Variants in DZANK1 observed in about 807,000 individuals in gnomAD.
DZANK1 encodes the protein double zinc ribbon and ankyrin repeat-containing protein 1.
DZANK1 carries 91 observed loss-of-function variants against 94.5 expected under a neutral mutation model. That is an observed-to-expected ratio of 0.96 (90% CI 0.81 to 1.15). DZANK1 has a LOEUF of 1.15. DZANK1 is among the 50% of genes most tolerant of loss of function. DZANK1 has a pLI of 0.00. For missense variants in DZANK1, 903 were observed against 916.4 expected, an observed-to-expected ratio of 0.99 and a Z score of 0.19; for synonymous variants, 312 against 325.3, an observed-to-expected ratio of 0.96 and a Z score of 0.44.
At chr20:18,404,871 C>T (rs1245493800) in intron 13 of DZANK1, among the ~76,000 whole-genome samples, 2 of 151,852 alleles carry the variant, frequency 1.3e-5, no homozygotes, top group Admixed American at 6.6e-5. Flanking sequence ...ATAATTGCAC[C>T]ACTGCACTCC....
chr20:18,458,446 T>C (rs1304642218), intron 3 of DZANK1, among the ~76,000 whole-genome samples: 2 of 152,254 alleles, frequency 1.3e-5, no homozygotes, highest in Non-Finnish European at 1.5e-5. Flanking sequence ...GTAGTGGCTA[T>C]TTAGATGAAT....
intron 10 of DZANK1, among the ~76,000 whole-genome samples, chr20:18,421,986 C>T (rs2057802390): frequency 6.6e-6 from 1 of 152,104 alleles, no homozygotes; most frequent in Non-Finnish European, 1.5e-5. Flanking sequence ...ATGGTTTGAA[C>T]ATATTTTCTT....
At chr20:18,465,122 G>T in intron 2 of DZANK1, 128 bp downstream of exon 2, 1 of 616,158 alleles carries the variant, frequency 1.6e-6, no homozygotes, top group Non-Finnish European at 2.8e-6. Flanking sequence ...AATTTTAGAA[G>T]TTTTACAAAT....
At chr20:18,405,172 G>C (rs943359668) in intron 13 of DZANK1, among the ~76,000 whole-genome samples, 1 of 151,900 alleles carries the variant, frequency 6.6e-6, no homozygotes, top group African/African-American at 2.4e-5. Context: ...ACTCCAGCCT[G>C]GGTAACAGAG....
At chr20:18,448,117 A>C (rs905352560) in intron 7 of DZANK1, among the ~76,000 whole-genome samples, 1 of 152,254 alleles carries the variant, frequency 6.6e-6, no homozygotes, top group East Asian at 1.9e-4. Flanking sequence ...GTAATAGCCC[A>C]AAATTGGATA....
At chr20:18,447,341 T>C (rs934348651) in intron 7 of DZANK1, among the ~76,000 whole-genome samples, 1 of 151,954 alleles carries the variant, frequency 6.6e-6, no homozygotes, top group Non-Finnish European at 1.5e-5. Flanking sequence ...TAGCCGGGCA[T>C]AGTGGCGCAT....
chr20:18,406,441 T>C (rs1240774150), intron 13 of DZANK1, among the ~76,000 whole-genome samples: 1 of 152,134 alleles, frequency 6.6e-6, no homozygotes. Context: ...TCTAGGCAAA[T>C]CCTGGGCCAG....
chr20:18,459,178 T>C (rs1188834232), intron 3 of DZANK1, among the ~76,000 whole-genome samples: 2 of 152,230 alleles, frequency 1.3e-5, no homozygotes, highest in African/African-American at 2.4e-5. Flanking sequence ...TTTTTAATAA[T>C]TGAGATGACT....
chr20:18,455,650 T>C (rs1247556246), intron 3 of DZANK1, among the ~76,000 whole-genome samples: 1 of 152,208 alleles, frequency 6.6e-6, no homozygotes, highest in Non-Finnish European at 1.5e-5. Context: ...GTGGCTGCCA[T>C]CAAACATCAG....
chr20:18,460,363 TA>T (rs2059433796), intron 2 of DZANK1, 57 bp from the exon 3 acceptor site: 1 of 1,271,302 alleles, frequency 7.9e-7, no homozygotes, highest in Non-Finnish European at 1.1e-6. Context: ...AGTCCCTGAA[TA>T]ATGCCTATAG....
In DZANK1 at chr20:18,387,533, G is replaced by C. The variant is rs1847596128; in HGVS notation, c.2018+2168C>G. On this transcript the variant is annotated intron_variant, in intron 19 of 20. Transcript: ENST00000262547. Reference sequence around the variant, plus strand: ...TTGCATCTTCCTCACCTGGCTACTGGGGCAGAGCCAGAGGATGGCATGTTT... The same window carrying C: ...TTGCATCTTCCTCACCTGGCTACTGCGGCAGAGCCAGAGGATGGCATGTTT... Among the ~76,000 whole-genome samples the C allele has an allele frequency of 3.3e-5, 5 of 152,304 alleles. No individual in the cohort carries two copies. In the South Asian group the frequency reaches 1.0e-3, roughly 32 times the overall value.
chr20:18,438,018 A>G (rs576160156), intron 8 of DZANK1, among the ~76,000 whole-genome samples: 66 of 152,080 alleles, frequency 4.3e-4, no homozygotes, highest in African/African-American at 1.5e-3. Flanking sequence ...GGAGATCGAG[A>G]CCATCCTGGC....
chr20:18,426,446 C>T (rs918600084), intron 10 of DZANK1, among the ~76,000 whole-genome samples: 1 of 152,140 alleles, frequency 6.6e-6, no homozygotes, highest in Admixed American at 6.5e-5. Context: ...CACAAACAAT[C>T]GGAAACATGC....
intron 9 of DZANK1, among the ~76,000 whole-genome samples, chr20:18,427,880 G>A (rs1157064807): frequency 1.3e-5 from 2 of 152,176 alleles, no homozygotes; most frequent in Non-Finnish European, 2.9e-5. Flanking sequence ...GCTGGGTGCA[G>A]TGGCTCATGC....
chr20:18,389,977 C>G (rs2055867704), intron 18 of DZANK1, 149 bp from the exon 19 acceptor site: 9 of 1,227,546 alleles, frequency 7.3e-6, no homozygotes, highest in Non-Finnish European at 1.0e-5. Context: ...TCAGGAACCT[C>G]AAGACCTGAT....
chr20:18,402,402 T>A (rs999760955), intron 13 of DZANK1, among the ~76,000 whole-genome samples: 1 of 148,892 alleles, frequency 6.7e-6, no homozygotes, highest in Non-Finnish European at 1.5e-5. Flanking sequence ...AATGGCAGAG[T>A]TTAACTGGTA....
intron 2 of DZANK1, among the ~76,000 whole-genome samples, chr20:18,461,053 C>G (rs961177435): frequency 6.6e-6 from 1 of 152,186 alleles, no homozygotes; most frequent in African/African-American, 2.4e-5. Context: ...TCTTTTGCCT[C>G]TCCAACAGGG....
chr20:18,410,770 T>C (rs963683092), intron 13 of DZANK1, among the ~76,000 whole-genome samples: 4 of 152,126 alleles, frequency 2.6e-5, no homozygotes, highest in East Asian at 3.9e-4. Context: ...GGCAACACAG[T>C]GTCACCCCAT....
At chr20:18,427,004 T>C in intron 10 of DZANK1, 63 bp downstream of exon 10, 3 of 1,251,242 alleles carry the variant, frequency 2.4e-6, no homozygotes, top group South Asian at 3.1e-5. Context: ...TCTGTTTCTC[T>C]ATTATCATTA....
Sources: gnomAD v4.1 joint callset for allele counts (sites outside exome capture counted in the v4.1 genomes callset) on GRCh38, gnomAD v4.1.1 for gene constraint, MANE v1.5 for transcripts, NCBI Gene and HGNC (gene_info 2026-07-23, HGNC 2026-07-21) for gene names.